PGCKA1: variants seen among roughly 807,000 people sequenced by gnomAD.
PGCKA1 encodes the protein PDCD10 and GCKIII kinases-associated protein 1.
the PGCKA1 span, among the ~76,000 whole-genome samples, chr4:37,579,133 G>GA: frequency 7.0e-3 from 1,064 of 151,238 alleles, 15 homozygotes; most frequent in Non-Finnish European, 0.012. Context: ...AAACCAACAA[G>GA]AAAAAAAACC....
At chr4:37,539,212 T>C in the PGCKA1 span, among the ~76,000 whole-genome samples, 1 of 152,194 alleles carries the variant, frequency 6.6e-6, no homozygotes, top group Non-Finnish European at 1.5e-5. Context: ...AAGTAGAAGC[T>C]GTTAAAAGGA....
At chr4:37,499,603 T>C in the PGCKA1 span, among the ~76,000 whole-genome samples, 1 of 152,220 alleles carries the variant, frequency 6.6e-6, no homozygotes. Flanking sequence ...GTGTTCATAA[T>C]ATTCTCTGAT....
chr4:37,516,812 C>T, the PGCKA1 span, among the ~76,000 whole-genome samples: 10 of 152,132 alleles, frequency 6.6e-5, no homozygotes, highest in Non-Finnish European at 8.8e-5. Flanking sequence ...AGAAATTAAT[C>T]GCTTATTTTA....
the PGCKA1 span, among the ~76,000 whole-genome samples, chr4:37,573,205 T>C: frequency 6.6e-6 from 1 of 152,244 alleles, no homozygotes; most frequent in African/African-American, 2.4e-5. Context: ...AATGTGTTCA[T>C]TGTAGAAAAT....
At chr4:37,586,512 G>C in the PGCKA1 span, among the ~76,000 whole-genome samples, 1 of 152,200 alleles carries the variant, frequency 6.6e-6, no homozygotes, top group African/African-American at 2.4e-5. Context: ...CTCCCAGGAA[G>C]AGTTGGAAGG....
chr4:37,566,386 T>A, the PGCKA1 span, among the ~76,000 whole-genome samples: 3 of 151,628 alleles, frequency 2.0e-5, no homozygotes, highest in African/African-American at 7.3e-5. Context: ...GTTCAAGTAA[T>A]TCTCCCACCT....
the PGCKA1 span, chr4:37,589,018 C>T: frequency 1.4e-6 from 1 of 728,752 alleles, no homozygotes; most frequent in African/African-American, 1.8e-5. Context: ...TCAACATTGC[C>T]AACACATTAA....
the PGCKA1 span, chr4:37,588,976 T>A: frequency 1.9e-6 from 2 of 1,061,524 alleles, no homozygotes; most frequent in Non-Finnish European, 2.9e-6. Flanking sequence ...ACCATGCGTG[T>A]ATTCAGTGCA....
chr4:37,580,602 C>CA, the PGCKA1 span, among the ~76,000 whole-genome samples: 2 of 152,160 alleles, frequency 1.3e-5, no homozygotes, highest in African/African-American at 4.8e-5. Context: ...TCTTGTTCCC[C>CA]AAACAAAAGT....
chr4:37,473,421 G>T, the PGCKA1 span, among the ~76,000 whole-genome samples: 1 of 152,058 alleles, frequency 6.6e-6, no homozygotes, highest in Non-Finnish European at 1.5e-5. Flanking sequence ...AGTTAAAAAT[G>T]TTAAGATAAT....
the PGCKA1 span, among the ~76,000 whole-genome samples, chr4:37,501,931 G>T: frequency 6.6e-6 from 1 of 152,170 alleles, no homozygotes; most frequent in Non-Finnish European, 1.5e-5. Flanking sequence ...GACCTTGAGG[G>T]TTTGACTGTG....
the PGCKA1 span, among the ~76,000 whole-genome samples, chr4:37,579,473 A>G: frequency 6.6e-6 from 1 of 152,168 alleles, no homozygotes; most frequent in Non-Finnish European, 1.5e-5. Flanking sequence ...GAAATCTCTC[A>G]GCTTCTGTTT....
the PGCKA1 span, among the ~76,000 whole-genome samples, chr4:37,534,402 G>A: frequency 3.9e-5 from 6 of 152,092 alleles, no homozygotes; most frequent in African/African-American, 1.2e-4. Context: ...CCTTTAATCT[G>A]ACCAGACTGT....
At chr4:37,532,511 AT>A in the PGCKA1 span, among the ~76,000 whole-genome samples, 1 of 145,260 alleles carries the variant, frequency 6.9e-6, no homozygotes, top group Non-Finnish European at 1.6e-5. Context: ...GGAATTTATT[AT>A]TTTTAAAAAT....
At chr4:37,454,554 G>C in the PGCKA1 span, among the ~76,000 whole-genome samples, 1 of 152,200 alleles carries the variant, frequency 6.6e-6, no homozygotes, top group African/African-American at 2.4e-5. Flanking sequence ...GGGTGCTGGC[G>C]GCCTGGGCAG....
At chr4:37,476,098 T>C in the PGCKA1 span, among the ~76,000 whole-genome samples, 9 of 151,906 alleles carry the variant, frequency 5.9e-5, no homozygotes, top group Admixed American at 4.6e-4. Context: ...TTTGCTAAAA[T>C]CACAAAAACT....
chr4:37,482,098 T>C, the PGCKA1 span, among the ~76,000 whole-genome samples: 3 of 152,206 alleles, frequency 2.0e-5, no homozygotes, highest in East Asian at 5.8e-4. Flanking sequence ...TACCCATCTT[T>C]GGTATGTCTT....
At chr4:37,575,961 G>A in the PGCKA1 span, among the ~76,000 whole-genome samples, 1 of 152,036 alleles carries the variant, frequency 6.6e-6, no homozygotes, top group Non-Finnish European at 1.5e-5. Context: ...ATATGTCTAT[G>A]TTTTTATGCC....
chr4:37,480,184 G>C, the PGCKA1 span, among the ~76,000 whole-genome samples: 1 of 152,308 alleles, frequency 6.6e-6, no homozygotes. Context: ...TTAAAGACAG[G>C]TTTTCTTTAG....
Sources: allele counts gnomAD v4.1 joint callset (sites outside exome capture counted in the v4.1 genomes callset), GRCh38; gene constraint gnomAD v4.1.1; transcripts MANE v1.5; gene names NCBI Gene and HGNC (gene_info 2026-07-23, HGNC 2026-07-21).